CNTNAP5: variants seen among roughly 807,000 people sequenced by gnomAD.
The protein encoded by CNTNAP5 is contactin-associated protein-like 5.
A neutral mutation model predicts 150.2 loss-of-function variants in CNTNAP5; 72 were observed. That is an observed-to-expected ratio of 0.48 (90% CI 0.40 to 0.58). The LOEUF (loss-of-function observed/expected upper bound fraction) is 0.58, where lower values mean the gene tolerates loss of function less well. Ranked by LOEUF, CNTNAP5 falls within the 20% of genes least tolerant of loss-of-function variation. The probability of loss-of-function intolerance (pLI) is 0.00; values close to 1 mark genes in which losing one functional copy is unlikely to be tolerated. For missense variants in CNTNAP5, 1,636 were observed against 1,626.2 expected, an observed-to-expected ratio of 1.01 and a Z score of -0.10; for synonymous variants, 672 against 619.8, an observed-to-expected ratio of 1.08 and a Z score of -1.25.
intron 19 of CNTNAP5, among the ~76,000 whole-genome samples, chr2:124,853,261 C>T (rs796743661): frequency 6.6e-6 from 1 of 152,170 alleles, no homozygotes; most frequent in South Asian, 2.1e-4. Context: ...ATTGTGGCAC[C>T]CAGGCTAACA....
intron 3 of CNTNAP5, among the ~76,000 whole-genome samples, chr2:124,408,607 C>A (rs924161510): frequency 9.9e-5 from 15 of 151,780 alleles, no homozygotes; most frequent in African/African-American, 3.4e-4. Context: ...CTGGGAGGCA[C>A]CCCCCAGCAG....
intron 19 of CNTNAP5, among the ~76,000 whole-genome samples, chr2:124,821,081 C>T (rs1682475984): frequency 6.6e-6 from 1 of 152,162 alleles, no homozygotes; most frequent in Admixed American, 6.5e-5. Flanking sequence ...CAAGGTATGG[C>T]CGGTCTCATG....
intron 1 of CNTNAP5, among the ~76,000 whole-genome samples, chr2:124,071,192 C>T (rs1682294797): frequency 6.6e-6 from 1 of 151,406 alleles, no homozygotes; most frequent in African/African-American, 2.4e-5. Context: ...ACAGTGAAAC[C>T]ATATTATTTC....
Position 124,419,988 on chromosome 2 carries a change from C to CTTTTTTTTTTTTTTTTTTTTTTT in CNTNAP5, c.529+2419_529+2420insTTTTTTTTTTTTTTTTTTTTTTT, listed in dbSNP as rs772589224. ...TCTCTCTCTCTTTCTTTCTTTCTTT[C>CTTTTTTTTTTTTTTTTTTTTTTT]TTTTTTTTTTTTTTTTTTTTTGAGA... On this transcript the variant is annotated intron_variant, in intron 4 of 23. Transcript: ENST00000682447. Among the ~76,000 whole-genome samples the CTTTTTTTTTTTTTTTTTTTTTTT allele has an allele frequency of 3.8e-5, 3 of 78,880 alleles. 1 individual carries two copies. The highest frequency in any genetic ancestry group is 7.6e-5 in the Non-Finnish European group (3 of 39,628). The allele number at this position is 78,880 out of a possible 152,430, so 51.7% of individuals were successfully genotyped here.
chr2:124,446,474 T>A (rs1692820306), intron 5 of CNTNAP5, among the ~76,000 whole-genome samples: 1 of 152,194 alleles, frequency 6.6e-6, no homozygotes, highest in African/African-American at 2.4e-5. Context: ...ATCATATTTA[T>A]GTAGCCATAA....
intron 13 of CNTNAP5, among the ~76,000 whole-genome samples, chr2:124,712,551 C>T (rs563289053): frequency 6.6e-6 from 1 of 152,258 alleles, no homozygotes; most frequent in South Asian, 2.1e-4. Flanking sequence ...ACAATTCAGG[C>T]TGCTACAATA....
intron 1 of CNTNAP5, among the ~76,000 whole-genome samples, chr2:124,087,677 G>A (rs1682723831): frequency 6.6e-6 from 1 of 151,776 alleles, no homozygotes; most frequent in African/African-American, 2.4e-5. Context: ...AGCTGAGATG[G>A]TGCCACTGTA....
At chr2:124,654,237 T>G (rs1018384674) in intron 13 of CNTNAP5, among the ~76,000 whole-genome samples, 1 of 152,136 alleles carries the variant, frequency 6.6e-6, no homozygotes, top group Non-Finnish European at 1.5e-5. Context: ...GACTGCAAAT[T>G]TTATTCTAAG....
At chr2:124,474,923 C>T (rs758591543) in intron 7 of CNTNAP5, 41 bp downstream of exon 7, 24 of 1,560,554 alleles carry the variant, frequency 1.5e-5, no homozygotes, top group Non-Finnish European at 1.9e-5. Context: ...GTTTCTACCA[C>T]TTTGGGGTAA....
intron 21 of CNTNAP5, among the ~76,000 whole-genome samples, chr2:124,875,830 C>A (rs1470945530): frequency 1.3e-5 from 2 of 151,254 alleles, no homozygotes; most frequent in African/African-American, 4.9e-5. Context: ...CATACAGAAT[C>A]TAGTGTGACT....
intron 1 of CNTNAP5, among the ~76,000 whole-genome samples, chr2:124,182,444 G>C (rs7563285): frequency 0.58 from 88,396 of 151,316 alleles, 25,986 homozygotes; most frequent in African/African-American, 0.63. Flanking sequence ...CTCAGGAAGC[G>C]GAAGTAACTT....
intron 1 of CNTNAP5, among the ~76,000 whole-genome samples, chr2:124,082,370 AAAAG>A (rs1312324579): frequency 1.4e-5 from 2 of 143,284 alleles, no homozygotes; most frequent in African/African-American, 5.0e-5. Flanking sequence ...AAAAAAAAAA[AAAAG>A]GACTCATACA....
chr2:124,859,109 G>T (rs936384912), intron 19 of CNTNAP5, among the ~76,000 whole-genome samples: 1 of 151,966 alleles, frequency 6.6e-6, no homozygotes, highest in South Asian at 2.1e-4. Flanking sequence ...ACTACCATCA[G>T]AGTGAACAGG....
At chr2:124,372,107 G>A (rs1410438951) in intron 3 of CNTNAP5, among the ~76,000 whole-genome samples, 1 of 151,966 alleles carries the variant, frequency 6.6e-6, no homozygotes, top group East Asian at 1.9e-4. Context: ...AGAAGAAGGG[G>A]GATATTCAGT....
Position 124,221,895 on chromosome 2 carries a change from T to A in CNTNAP5, c.187+86T>A, listed in dbSNP as rs114309162. On this transcript the variant is annotated intron_variant, in intron 2 of 23. Transcript: ENST00000682447. ...AAGGAGAGTGAGCACTCTCAGACACTGAAATCATGTCCAATGGCCGTCTTC... is the reference window on the plus strand; with the variant it reads ...AAGGAGAGTGAGCACTCTCAGACACAGAAATCATGTCCAATGGCCGTCTTC... 3,017 of 813,664 alleles carry A rather than the reference T, an allele frequency of 3.7e-3. 61 individuals are homozygous for A. The African/African-American group carries it at 0.045, about 12-fold the overall frequency. The allele number at this position is 813,664 out of a possible 1,614,324, so 50.4% of individuals were successfully genotyped here. A position where few individuals can be genotyped will look rare whatever the true frequency, so the allele number is the denominator to read the frequency against.
intron 1 of CNTNAP5, among the ~76,000 whole-genome samples, chr2:124,051,921 ATC>A (rs747206130): frequency 6.6e-6 from 1 of 152,178 alleles, no homozygotes; most frequent in East Asian, 1.9e-4. Context: ...CCCCTCCCAA[ATC>A]TCTCTTTCTG....
intron 13 of CNTNAP5, among the ~76,000 whole-genome samples, chr2:124,711,995 C>T (rs1407286048): frequency 2.6e-5 from 4 of 152,166 alleles, no homozygotes; most frequent in Admixed American, 1.3e-4. Context: ...GAAAGAATTA[C>T]ATCCATTAGC....
At chr2:124,362,607 A>C (rs996461963) in intron 3 of CNTNAP5, among the ~76,000 whole-genome samples, 1 of 152,212 alleles carries the variant, frequency 6.6e-6, no homozygotes, top group Admixed American at 6.5e-5. Context: ...TAGAAAAAGA[A>C]AACTGTTATT....
intron 3 of CNTNAP5, among the ~76,000 whole-genome samples, chr2:124,364,250 T>C (rs1690304666): frequency 6.6e-6 from 1 of 152,144 alleles, no homozygotes; most frequent in South Asian, 2.1e-4. Flanking sequence ...TCTAGCTACT[T>C]CCTAATTCTG....
Sources: allele counts gnomAD v4.1 joint callset (sites outside exome capture counted in the v4.1 genomes callset), GRCh38; gene constraint gnomAD v4.1.1; transcripts MANE v1.5; gene names NCBI Gene and HGNC (gene_info 2026-07-23, HGNC 2026-07-21).